ZNF496: variants seen among roughly 807,000 people sequenced by gnomAD.
ZNF496 encodes the protein zinc finger protein 496, also known as NSD1 (nuclear receptor binding SET-domain containing 1)-interacting zinc finger protein 1.
Under a neutral mutation model 58.9 loss-of-function variants are expected in ZNF496, and 11 were observed. That is an observed-to-expected ratio of 0.19 (90% CI 0.12 to 0.31). ZNF496 has a LOEUF of 0.31. ZNF496 is among the 10% of genes least tolerant of loss of function. The pLI, the probability that ZNF496 is intolerant of heterozygous loss-of-function variation, is 1.00. For synonymous variants in ZNF496, 338 were observed against 318.2 expected, an observed-to-expected ratio of 1.06 and a Z score of -0.66; for missense variants, 660 against 783.0, an observed-to-expected ratio of 0.84 and a Z score of 1.88.
intron 4 of ZNF496, 81 bp from the exon 5 acceptor site, chr1:247,328,947 G>C (rs1660226912): frequency 1.3e-6 from 2 of 1,498,942 alleles, no homozygotes; most frequent in African/African-American, 2.8e-5. Flanking sequence ...CCACTCCACA[G>C]CTGACCATCA....
chr1:247,331,781 T>C lies in ZNF496; in HGVS notation c.-370+9A>G, dbSNP rs1660338483. Reference sequence around the variant, plus strand: ...GCGGGGCCGGCCGCGGGAGCCGGGGTGCACTCACCGCCGCGGCGCGTCCCT... The same window carrying C: ...GCGGGGCCGGCCGCGGGAGCCGGGGCGCACTCACCGCCGCGGCGCGTCCCT... On this transcript the variant is annotated intron_variant, in intron 1 of 9. Coordinates refer to ENST00000682384, the MANE Select transcript of ZNF496 (RefSeq NM_032752.3). The C allele has an allele frequency of 6.8e-6, 1 of 146,922 alleles. No individual in the cohort carries two copies. Among genetic ancestry groups the C allele is most frequent in the Admixed American group, 6.7e-5 (1 of 14,918 alleles). The allele number at this position is 146,922 out of a possible 1,614,324, so 9.1% of individuals were successfully genotyped here.
chr1:247,308,252 T>C lies in ZNF496; in HGVS notation c.1006+223A>G, dbSNP rs1659479050. Among the ~76,000 whole-genome samples the C allele has an allele frequency of 1.3e-5, 2 of 151,994 alleles. No homozygotes were observed. Among genetic ancestry groups the C allele is most frequent in the African/African-American group, 4.8e-5 (2 of 41,360 alleles). Reference sequence around the variant, plus strand: ...TTCAGTTCCTAACTGTCCCATGCCATCACCACCGCACATTTACATCACACA... The same window carrying C: ...TTCAGTTCCTAACTGTCCCATGCCACCACCACCGCACATTTACATCACACA... On this transcript the variant is annotated intron_variant, in intron 9 of 9. Coordinates refer to ENST00000682384, the MANE Select transcript of ZNF496 (RefSeq NM_032752.3). This position sits in a 1 kb window ranked among gnomAD's most constrained non-coding sequence, Gnocchi z 4.5.
intron 6 of ZNF496, chr1:247,322,644 G>A (rs1413677748): frequency 9.3e-6 from 11 of 1,180,612 alleles, no homozygotes; most frequent in African/African-American, 3.2e-5. Flanking sequence ...GAGTAAGCAA[G>A]TCTTACACAA....
At chr1:247,326,252 C>T (rs1660125705) in intron 5 of ZNF496, among the ~76,000 whole-genome samples, 1 of 151,918 alleles carries the variant, frequency 6.6e-6, no homozygotes, top group Non-Finnish European at 1.5e-5. Context: ...AGACCCTACA[C>T]AAAATCTAGC....
intron 6 of ZNF496, among the ~76,000 whole-genome samples, chr1:247,321,676 G>A (rs1216240552): frequency 6.6e-6 from 1 of 152,196 alleles, no homozygotes; most frequent in Non-Finnish European, 1.5e-5. Flanking sequence ...TACTGTGCTC[G>A]CTATGGCATT....
intron 5 of ZNF496, among the ~76,000 whole-genome samples, chr1:247,324,652 C>A (rs1660064787): frequency 6.6e-6 from 1 of 151,980 alleles, no homozygotes. Flanking sequence ...GCCACCATGC[C>A]CAGCTAAGTA....
intron 6 of ZNF496, among the ~76,000 whole-genome samples, chr1:247,322,249 T>C (rs974229065): frequency 6.6e-6 from 1 of 152,098 alleles, no homozygotes; most frequent in Non-Finnish European, 1.5e-5. Flanking sequence ...TGCCACTGCA[T>C]TGAAGCCTGG....
At position 247,310,514 on chromosome 1, in the gene ZNF496, T is replaced by C. The variant is rs1232170207; in HGVS notation, c.652-58A>G. ...CCGGGACGAGCTAGGTGTCTCAGTCTTAGTCCACTGAGGCTGTGACAACAC... is the reference window on the plus strand; with the variant it reads ...CCGGGACGAGCTAGGTGTCTCAGTCCTAGTCCACTGAGGCTGTGACAACAC... On this transcript the variant is annotated intron_variant, in intron 6 of 9. Transcript: ENST00000682384. The C allele has an allele frequency of 8.1e-6, 13 of 1,602,690 alleles. No individual in the cohort carries two copies. In the East Asian group the frequency reaches 2.5e-4, roughly 30 times the overall value.
At chr1:247,330,487 T>G (rs1452261729) in intron 2 of ZNF496, among the ~76,000 whole-genome samples, 2 of 152,142 alleles carry the variant, frequency 1.3e-5, no homozygotes, top group Non-Finnish European at 2.9e-5. Flanking sequence ...AAAGAACCCC[T>G]GGACACTGCA....
At chr1:247,331,010 CTCCGGCA>C (rs1416732354) in intron 2 of ZNF496, among the ~76,000 whole-genome samples, 1 of 152,236 alleles carries the variant, frequency 6.6e-6, no homozygotes, top group Non-Finnish European at 1.5e-5. Context: ...TCCAGGGCGG[CTCCGGCA>C]TCTGGAGCCC....
chr1:247,300,792 T>G lies in ZNF496; in HGVS notation c.1491A>C (p.Arg497Ser), dbSNP rs897351822. ...QPDRLQPVEK[R>S]EQAASEDADK... ...CCGCGTCCTCGGATGCCGCCTGCTCTCTCTTCTCCACCGGCTGGAGTCTGT... is the reference window on the plus strand; with the variant it reads ...CCGCGTCCTCGGATGCCGCCTGCTCGCTCTTCTCCACCGGCTGGAGTCTGT... Residue 497 changes from arginine to serine, a missense_variant, in exon 10 of 10, where the codon AGA becomes AGC. Arg to Ser is a moderately radical substitution (Grantham distance 110). Coordinates refer to ENST00000682384, the MANE Select transcript of ZNF496 (RefSeq NM_032752.3). This position sits in a 1 kb window ranked among gnomAD's most constrained non-coding sequence, Gnocchi z 5.7. 4 of 1,601,414 alleles carry G rather than the reference T, an allele frequency of 2.5e-6. No homozygotes were observed. In the South Asian group the frequency reaches 3.3e-5, roughly 13 times the overall value.
At chr1:247,326,119 T>C (rs1322398803) in intron 5 of ZNF496, among the ~76,000 whole-genome samples, 1 of 149,558 alleles carries the variant, frequency 6.7e-6, no homozygotes, top group Non-Finnish European at 1.5e-5. Context: ...CACACATATA[T>C]ATACATACAT....
intron 6 of ZNF496, among the ~76,000 whole-genome samples, chr1:247,320,319 C>T (rs982511859): frequency 6.6e-5 from 10 of 152,298 alleles, no homozygotes; most frequent in African/African-American, 1.7e-4. Context: ...AATAGTAACA[C>T]GCAACAACCT....
At chr1:247,311,962 G>A (rs1451340687) in intron 6 of ZNF496, 2 of 152,258 alleles carry the variant, frequency 1.3e-5, no homozygotes, top group East Asian at 1.9e-4. Context: ...ATGGGCAGAA[G>A]AGCCCTGATG....
At chr1:247,317,920 T>C (rs1267998779) in intron 6 of ZNF496, among the ~76,000 whole-genome samples, 2 of 152,208 alleles carry the variant, frequency 1.3e-5, no homozygotes, top group African/African-American at 4.8e-5. Flanking sequence ...ACGTTAGAAC[T>C]ATCTGACAAA....
intron 5 of ZNF496, among the ~76,000 whole-genome samples, chr1:247,323,513 G>A (rs1199983261): frequency 6.6e-6 from 1 of 152,184 alleles, no homozygotes; most frequent in East Asian, 1.9e-4. Flanking sequence ...CTGTAACAGA[G>A]TGTGCCTGGG....
intron 5 of ZNF496, among the ~76,000 whole-genome samples, chr1:247,326,111 CACATATATATACAT>C (rs1218256850): frequency 6.7e-6 from 1 of 149,966 alleles, no homozygotes; most frequent in East Asian, 2.0e-4. Context: ...TATATACACA[CACATATATATACAT>C]ACATATATAT....
At chr1:247,322,757 T>C in intron 6 of ZNF496, 2 of 1,291,902 alleles carry the variant, frequency 1.5e-6, no homozygotes, top group Non-Finnish European at 2.0e-6. Flanking sequence ...CTTCCTAACA[T>C]TTCTAAAATA....
chr1:247,299,906 G>A lies in ZNF496; in HGVS notation c.*613C>T, dbSNP rs754935638. The A allele has an allele frequency of 2.0e-5, 3 of 152,278 alleles. No individual in the cohort carries two copies. Among genetic ancestry groups the A allele is most frequent in the Non-Finnish European group, 4.4e-5 (3 of 68,072 alleles). 9.4% of individuals were successfully genotyped at this position (152,278 alleles called of 1,614,324 possible). Reference sequence around the variant, plus strand: ...CCACAGAGGCCAGCCCAAAAGGGCTGCCTGATCATCTTGGATCTGCGGGGT... The same window carrying A: ...CCACAGAGGCCAGCCCAAAAGGGCTACCTGATCATCTTGGATCTGCGGGGT... On this transcript the variant is annotated 3_prime_UTR_variant, in exon 10 of 10. Transcript: ENST00000682384.
Sources: allele counts gnomAD v4.1 joint callset (sites outside exome capture counted in the v4.1 genomes callset), GRCh38; gene constraint gnomAD v4.1.1; non-coding constraint Gnocchi (gnomAD v3.1); transcripts MANE v1.5; gene names NCBI Gene and HGNC (gene_info 2026-07-23, HGNC 2026-07-21).